Variants in ABCC5 observed in about 807,000 individuals in gnomAD.
The protein encoded by ABCC5 is ATP-binding cassette sub-family C member 5.
ABCC5 carries 61 observed loss-of-function variants against 160.9 expected under a neutral mutation model. That is an observed-to-expected ratio of 0.38 (90% CI 0.31 to 0.47). ABCC5 has a LOEUF of 0.47. Among genes scored for constraint, ABCC5 ranks in the 20% least tolerant of loss-of-function variants. The pLI is 0.99. For synonymous variants in ABCC5, 666 were observed against 700.6 expected, an observed-to-expected ratio of 0.95 and a Z score of 0.78; for missense variants, 1,308 against 1,813.3, an observed-to-expected ratio of 0.72 and a Z score of 5.06.
chr3:183,978,478 T>C (rs1718415337), intron 9 of ABCC5, 25 bp downstream of exon 9: 2 of 1,596,076 alleles, frequency 1.3e-6, no homozygotes, highest in Admixed American at 1.8e-5. Flanking sequence ...TCTAAAATGT[T>C]CCCCATCCCT....
chr3:183,977,111 G>A (rs530597532), intron 10 of ABCC5, among the ~76,000 whole-genome samples: 1 of 152,248 alleles, frequency 6.6e-6, no homozygotes, highest in South Asian at 2.1e-4. Context: ...TATCAAAAAG[G>A]ATTCAGCATG....
At chr3:183,945,091 TTG>T (rs1419309041) in intron 24 of ABCC5, among the ~76,000 whole-genome samples, 1 of 152,204 alleles carries the variant, frequency 6.6e-6, no homozygotes, top group Non-Finnish European at 1.5e-5. Context: ...TTCGCTATGA[TTG>T]TAAGTTTCCT....
intron 5 of ABCC5, chr3:183,985,095 C>T: frequency 1.5e-6 from 1 of 657,868 alleles, no homozygotes; most frequent in Non-Finnish European, 2.6e-6. Flanking sequence ...AGTTCCAACA[C>T]ATCGGGTTTT....
chr3:183,970,769 T>A (rs1037279134), intron 11 of ABCC5, among the ~76,000 whole-genome samples: 9 of 152,148 alleles, frequency 5.9e-5, no homozygotes, highest in Admixed American at 1.3e-4. Context: ...CTTATCACCA[T>A]CTGATATGCA....
chr3:184,004,367 A>G (rs1481571004), intron 2 of ABCC5, among the ~76,000 whole-genome samples: 1 of 152,032 alleles, frequency 6.6e-6, no homozygotes, highest in Non-Finnish European at 1.5e-5. Context: ...AAAATTAGCC[A>G]GGCATGGTGG....
chr3:183,926,966 A>T (rs1177477152), intron 28 of ABCC5, among the ~76,000 whole-genome samples: 2 of 151,744 alleles, frequency 1.3e-5, no homozygotes, highest in Admixed American at 1.3e-4. Context: ...AATCACTTGA[A>T]CCTGGGAGGT....
intron 11 of ABCC5, among the ~76,000 whole-genome samples, chr3:183,970,436 C>G (rs1327858301): frequency 6.9e-6 from 1 of 144,312 alleles, no homozygotes; most frequent in Admixed American, 7.1e-5. Context: ...TCTCCTCACC[C>G]ACCTTTTTTT....
chr3:183,930,247 G>A (rs937545479), intron 26 of ABCC5, among the ~76,000 whole-genome samples: 1 of 152,240 alleles, frequency 6.6e-6, no homozygotes, highest in Non-Finnish European at 1.5e-5. Context: ...GAACTCTAGT[G>A]AGAGGACAGC....
intron 2 of ABCC5, among the ~76,000 whole-genome samples, chr3:183,991,097 C>T (rs1719721747): frequency 1.3e-5 from 2 of 151,886 alleles, no homozygotes; most frequent in South Asian, 2.1e-4. Context: ...TTCAAGACCA[C>T]CCTGGGCAAC....
At position 183,961,570 on chromosome 3, in the gene ABCC5, T is replaced by C; in HGVS notation, c.2320A>G (p.Asn774Asp). 1 of 1,614,224 alleles carries C rather than the reference T, an allele frequency of 6.2e-7. No individual in the cohort carries two copies. The highest frequency in any genetic ancestry group is 8.5e-7 in the Non-Finnish European group (1 of 1,180,036). ...RGTHEELMNL[N>D]GDYATIFNNL... Reference sequence around the variant, plus strand: ...TTAAAAATGGTAGCATAGTCACCATTTAAATTCATCAGTTCCTCATGGGTG... The same window carrying C: ...TTAAAAATGGTAGCATAGTCACCATCTAAATTCATCAGTTCCTCATGGGTG... The change falls in exon 16 of 30, where the codon AAT becomes GAT. Residue 774 changes from asparagine to aspartate, a missense_variant. By Grantham distance (23) the Asn-to-Asp change is conservative. Around this residue, in one of 3 missense-constraint regions of ABCC5, gnomAD observed 1,142 missense variants for 1,527.1 expected, o/e 0.75. Coordinates refer to ENST00000334444, the MANE Select transcript of ABCC5 (RefSeq NM_005688.4).
chr3:183,937,064 C>A (rs113115970), intron 26 of ABCC5, among the ~76,000 whole-genome samples: 1 of 152,056 alleles, frequency 6.6e-6, no homozygotes, highest in Non-Finnish European at 1.5e-5. Context: ...AGTAATAATG[C>A]CTGAAAGCCA....
chr3:183,951,403 A>G lies in ABCC5; in HGVS notation c.2944+38T>C. On this transcript the variant is annotated intron_variant, in intron 20 of 29. Coordinates refer to ENST00000334444, the MANE Select transcript of ABCC5 (RefSeq NM_005688.4). The surrounding 1 kb of genome is among the most constrained non-coding windows in gnomAD (Gnocchi z 4.7). ...CATCTAGAAGGCTGGAAGCACAGTG[A>G]GCTCCAGAGTATTAAAAAAAGGCTC... 6.2e-7 allele frequency: 1 copy of G among 1,607,264 alleles called. No individual in the cohort carries two copies. Among genetic ancestry groups the G allele is most frequent in the Non-Finnish European group, 8.5e-7 (1 of 1,176,718 alleles).
intron 17 of ABCC5, among the ~76,000 whole-genome samples, chr3:183,955,802 G>A (rs983773825): frequency 2.8e-5 from 4 of 143,138 alleles, no homozygotes; most frequent in Non-Finnish European, 4.6e-5. Flanking sequence ...GCAGATCCAT[G>A]TGTATATCAC....
intron 17 of ABCC5, among the ~76,000 whole-genome samples, chr3:183,958,249 C>G (rs1043928898): frequency 6.6e-6 from 1 of 152,158 alleles, no homozygotes; most frequent in Non-Finnish European, 1.5e-5. Flanking sequence ...TATTGCATGA[C>G]GCTGAGGTCT....
chr3:183,938,487 T>C (rs568681256), intron 25 of ABCC5, among the ~76,000 whole-genome samples: 1 of 152,200 alleles, frequency 6.6e-6, no homozygotes, highest in South Asian at 2.1e-4. Flanking sequence ...TTAGTAGAGA[T>C]GGGGTTTCAC....
Position 183,920,920 on chromosome 3 carries a change from C to T in ABCC5, c.*380G>A, listed in dbSNP as rs1711909354. 1 of 157,512 alleles carries T rather than the reference C, an allele frequency of 6.3e-6. No individual in the cohort carries two copies. Among genetic ancestry groups the T allele is most frequent in the South Asian group, 2.0e-4 (1 of 4,998 alleles). 9.8% of individuals were successfully genotyped at this position (157,512 alleles called of 1,614,324 possible). On this transcript the variant is annotated 3_prime_UTR_variant, in exon 30 of 30. Coordinates refer to ENST00000334444, the MANE Select transcript of ABCC5 (RefSeq NM_005688.4). The surrounding 1 kb of genome is among the most constrained non-coding windows in gnomAD (Gnocchi z 4.1). ...AGAAAGGAATATGCACTGTTATTAG[C>T]ACAGTGCTTATTTTAATATAAAATA...
chr3:183,972,964 G>A (rs1437609835), intron 10 of ABCC5, among the ~76,000 whole-genome samples: 1 of 150,550 alleles, frequency 6.6e-6, no homozygotes, highest in Non-Finnish European at 1.5e-5. Flanking sequence ...AACTCTTGAA[G>A]AGGGAAATGT....
intron 26 of ABCC5, among the ~76,000 whole-genome samples, chr3:183,935,274 A>G (rs1002217654): frequency 6.6e-6 from 1 of 151,888 alleles, no homozygotes; most frequent in African/African-American, 2.4e-5. Context: ...TCCACCTCCC[A>G]GGTTCCAGCA....
chr3:183,931,324 CTTTTTTT>C (rs61449343), intron 26 of ABCC5, among the ~76,000 whole-genome samples: 1 of 131,530 alleles, frequency 7.6e-6, no homozygotes, highest in East Asian at 2.2e-4. Flanking sequence ...ACAGGCTTAA[CTTTTTTT>C]TTTTTTTTTT....
Sources: allele counts gnomAD v4.1 joint callset (sites outside exome capture counted in the v4.1 genomes callset), GRCh38; gene constraint gnomAD v4.1.1; regional missense constraint gnomAD v4.1.1; non-coding constraint Gnocchi (gnomAD v3.1); transcripts MANE v1.5; gene names NCBI Gene and HGNC (gene_info 2026-07-23, HGNC 2026-07-21).